The following KCNB2 variants were observed in gnomAD, a reference collection of about 807,000 sequenced individuals.
KCNB2 encodes potassium voltage-gated channel subfamily B member 2, also known as delayed rectifier potassium channel protein.
In KCNB2, 15 loss-of-function variants were observed where a neutral mutation model predicts 61.5. That is an observed-to-expected ratio of 0.24 (90% CI 0.16 to 0.38). The LOEUF (loss-of-function observed/expected upper bound fraction) is 0.38, where lower values mean the gene tolerates loss of function less well. Among genes scored for constraint, KCNB2 ranks in the 10% least tolerant of loss-of-function variants. KCNB2 has a pLI of 1.00. For missense variants in KCNB2, 828 were observed against 1,125.2 expected, an observed-to-expected ratio of 0.74 and a Z score of 3.78; for synonymous variants, 457 against 446.0, an observed-to-expected ratio of 1.02 and a Z score of -0.31.
chr8:72,571,462 A>G (rs1001972512), intron 2 of KCNB2, among the ~76,000 whole-genome samples: 24 of 152,226 alleles, frequency 1.6e-4, no homozygotes, highest in African/African-American at 5.3e-4. Flanking sequence ...ACATTTTTGC[A>G]CATATATAGA....
intron 1 of KCNB2, among the ~76,000 whole-genome samples, chr8:72,561,825 C>T (rs1806542377): frequency 7.4e-6 from 1 of 134,262 alleles, no homozygotes; most frequent in African/African-American, 2.8e-5. Flanking sequence ...TTTTAACTTG[C>T]TATAATGTTA....
At chr8:72,602,289 G>A (rs188946334) in intron 2 of KCNB2, among the ~76,000 whole-genome samples, 7 of 152,096 alleles carry the variant, frequency 4.6e-5, no homozygotes, top group African/African-American at 1.7e-4. Context: ...ATTTGGGGAG[G>A]TGGCCTCAAG....
chr8:72,699,294 TATGAG>T (rs59672748), intron 2 of KCNB2, among the ~76,000 whole-genome samples: 37,559 of 151,976 alleles, frequency 0.25, 7,920 homozygotes, highest in African/African-American at 0.58. Flanking sequence ...TTCCGGCTGG[TATGAG>T]ATGTTATCTC....
chr8:72,566,917 G>A (rs541200320), intron 1 of KCNB2, among the ~76,000 whole-genome samples: 1 of 151,988 alleles, frequency 6.6e-6, no homozygotes, highest in Non-Finnish European at 1.5e-5. Context: ...GAGGGTGACC[G>A]GGTATGGGGT....
chr8:72,856,923 C>G (rs974508044), intron 2 of KCNB2, among the ~76,000 whole-genome samples: 3 of 152,130 alleles, frequency 2.0e-5, no homozygotes, highest in East Asian at 1.9e-4. Context: ...ATCCTGCCCC[C>G]CTTCCCCCAC....
intron 2 of KCNB2, among the ~76,000 whole-genome samples, chr8:72,843,712 A>C (rs532608709): frequency 6.6e-6 from 1 of 151,642 alleles, no homozygotes; most frequent in Non-Finnish European, 1.5e-5. Context: ...GTCTTTCTTG[A>C]TCTTTGTTGG....
chr8:72,905,193 A>T (rs1200815615), intron 2 of KCNB2, among the ~76,000 whole-genome samples: 5 of 152,196 alleles, frequency 3.3e-5, no homozygotes, highest in Non-Finnish European at 2.9e-5. Flanking sequence ...AAGGTAATTG[A>T]ATATTTTTAA....
intron 2 of KCNB2, among the ~76,000 whole-genome samples, chr8:72,924,898 G>C (rs1156287723): frequency 6.6e-6 from 1 of 152,172 alleles, no homozygotes; most frequent in African/African-American, 2.4e-5. Flanking sequence ...CATAACAGCA[G>C]ATATAAAGTG....
At chr8:72,801,337 A>C (rs1488590024) in intron 2 of KCNB2, among the ~76,000 whole-genome samples, 1 of 152,196 alleles carries the variant, frequency 6.6e-6, no homozygotes, top group Non-Finnish European at 1.5e-5. Context: ...ATTCTGTAAA[A>C]AGAATAGAAC....
intron 2 of KCNB2, among the ~76,000 whole-genome samples, chr8:72,872,499 G>C (rs989615181): frequency 6.6e-6 from 1 of 152,140 alleles, no homozygotes; most frequent in African/African-American, 2.4e-5. Context: ...TTGTTAATCA[G>C]CTTTAGTTCT....
At position 72,759,824 on chromosome 8, in the gene KCNB2, A is replaced by G. The variant is rs574540497; in HGVS notation, c.580-176111A>G. On this transcript the variant is annotated intron_variant, in intron 2 of 2. Transcript: ENST00000523207. ...GGGAGGATTTATCAGGAACCCTTTT[A>G]GGATAAGCCCGTTATTCAAAGGCTA... Among the ~76,000 whole-genome samples, 6 of 152,290 alleles carry G rather than the reference A, an allele frequency of 3.9e-5. No individual in the cohort carries two copies. The South Asian group carries it at 1.0e-3, about 26-fold the overall frequency.
rs192531353 is a variant in KCNB2 at position 72,636,853 on chromosome 8, A to G, written c.579+68540A>G. Reference sequence around the variant, plus strand: ...CAAATGAGAAGAAAAACAAACAGCCATAAAAGTCCGATATTGGCCCATTTC... The same window carrying G: ...CAAATGAGAAGAAAAACAAACAGCCGTAAAAGTCCGATATTGGCCCATTTC... On this transcript the variant is annotated intron_variant, in intron 2 of 2. Transcript: ENST00000523207. 3.2e-3 allele frequency among the ~76,000 whole-genome samples: 484 copies of G among 152,312 alleles called. 4 individuals carry two copies. Among genetic ancestry groups the G allele is most frequent in the Non-Finnish European group, 5.4e-3 (367 of 68,016 alleles).
chr8:72,628,398 GGGGTGT>G (rs774107090), intron 2 of KCNB2, among the ~76,000 whole-genome samples: 34 of 14,862 alleles, frequency 2.3e-3, no homozygotes, highest in Admixed American at 7.9e-3. Flanking sequence ...CTCCTGTTAG[GGGGTGT>G]GTGTGTGTGT....
intron 2 of KCNB2, among the ~76,000 whole-genome samples, chr8:72,686,277 G>A (rs1023376468): frequency 6.6e-6 from 1 of 152,226 alleles, no homozygotes; most frequent in African/African-American, 2.4e-5. Context: ...TAGCCTGGGC[G>A]ACCAGTGTCC....
intron 1 of KCNB2, among the ~76,000 whole-genome samples, chr8:72,551,644 A>G (rs1806346036): frequency 1.3e-5 from 2 of 152,124 alleles, no homozygotes; most frequent in South Asian, 2.1e-4. Context: ...TGGCTCCCAG[A>G]GCAGGGGCGG....
At chr8:72,847,535 T>G (rs1360086362) in intron 2 of KCNB2, among the ~76,000 whole-genome samples, 1 of 152,252 alleles carries the variant, frequency 6.6e-6, no homozygotes, top group Admixed American at 6.5e-5. Flanking sequence ...GTTCAAGTAT[T>G]CTTATGTCAA....
chr8:72,931,801 C>G (rs933639612), intron 2 of KCNB2, among the ~76,000 whole-genome samples: 2 of 152,094 alleles, frequency 1.3e-5, no homozygotes. Flanking sequence ...CAACTTGAGG[C>G]CCGGCATTTG....
chr8:72,544,450 A>T (rs1012140008), intron 1 of KCNB2, among the ~76,000 whole-genome samples: 5 of 152,198 alleles, frequency 3.3e-5, no homozygotes, highest in Admixed American at 3.3e-4. Context: ...TGTGAATAGG[A>T]TCAACTTTAA....
intron 2 of KCNB2, among the ~76,000 whole-genome samples, chr8:72,811,476 C>A (rs1809304824): frequency 1.3e-5 from 2 of 152,050 alleles, no homozygotes; most frequent in African/African-American, 4.8e-5. Context: ...ATTGTTTTAT[C>A]TTTGAGAATA....
Sources: gnomAD v4.1 joint callset for allele counts (sites outside exome capture counted in the v4.1 genomes callset) on GRCh38, gnomAD v4.1.1 for gene constraint, MANE v1.5 for transcripts, NCBI Gene and HGNC (gene_info 2026-07-23, HGNC 2026-07-21) for gene names.